Variants in SCN1A observed in about 807,000 individuals in gnomAD.
The protein encoded by SCN1A is sodium channel protein type 1 subunit alpha.
SCN1A carries 13 observed loss-of-function variants against 193.7 expected under a neutral mutation model. The ratio of observed to expected loss-of-function variants is 0.07; its 90% CI spans 0.04 to 0.11. SCN1A has a LOEUF of 0.11. SCN1A is among the 10% of genes least tolerant of loss of function. SCN1A has a pLI of 1.00. For synonymous variants in SCN1A, 781 were observed against 843.6 expected, an observed-to-expected ratio of 0.93 and a Z score of 1.29; for missense variants, 1,432 against 2,451.1, an observed-to-expected ratio of 0.58 and a Z score of 8.78.
intron 16 of SCN1A, among the ~76,000 whole-genome samples, chr2:166,040,108 C>CG (rs1301252988): frequency 1.3e-5 from 2 of 151,752 alleles, no homozygotes; most frequent in African/African-American, 4.8e-5. Flanking sequence ...TTAGTAGAGA[C>CG]GGGGTTTCAC....
intron 2 of SCN1A, among the ~76,000 whole-genome samples, chr2:166,107,182 A>G (rs1688787026): frequency 6.6e-6 from 1 of 152,218 alleles, no homozygotes; most frequent in African/African-American, 2.4e-5. Context: ...AAAAGCAAGT[A>G]ATCTTCGAAT....
chr2:166,121,371 G>T (rs532427791), intron 2 of SCN1A, among the ~76,000 whole-genome samples: 4 of 152,160 alleles, frequency 2.6e-5, no homozygotes, highest in East Asian at 3.9e-4. Context: ...GTTACTTATT[G>T]TAATACTTTA....
chr2:166,105,284 A>G (rs1280396422), intron 2 of SCN1A, among the ~76,000 whole-genome samples: 1 of 152,240 alleles, frequency 6.6e-6, no homozygotes, highest in Non-Finnish European at 1.5e-5. Context: ...TAAGTTTAAA[A>G]TGAGAGAATG....
At chr2:166,031,553 T>C (rs1266600400) in intron 19 of SCN1A, among the ~76,000 whole-genome samples, 1 of 151,940 alleles carries the variant, frequency 6.6e-6, no homozygotes, top group Non-Finnish European at 1.5e-5. Flanking sequence ...AAACAGAAAA[T>C]ATAAAATGTA....
chr2:166,148,042 C>T (rs1292641666), intron 1 of SCN1A, among the ~76,000 whole-genome samples: 1 of 152,162 alleles, frequency 6.6e-6, no homozygotes, highest in Non-Finnish European at 1.5e-5. Flanking sequence ...TCTTTGAGAT[C>T]ACGTAGACAG....
chr2:165,985,569 G>A (rs1688561705), downstream of SCN1A: 1 of 152,046 alleles, frequency 6.6e-6, no homozygotes, highest in South Asian at 2.1e-4. Flanking sequence ...GCAAATATGA[G>A]GAGTGTTCTA....
At chr2:166,045,462 G>T in intron 12 of SCN1A, 135 bp from the exon 13 acceptor site, 1 of 1,030,354 alleles carries the variant, frequency 9.7e-7, no homozygotes, top group Non-Finnish European at 1.4e-6. Context: ...AAGATTCTCT[G>T]CAAGTATAAG....
intron 4 of SCN1A, chr2:166,059,289 G>C (rs1422431875): frequency 6.6e-6 from 1 of 152,398 alleles, no homozygotes; most frequent in Non-Finnish European, 1.5e-5. Context: ...GATCCCTGGA[G>C]AGTACCCGTT....
chr2:166,102,951 G>A (rs1468137082), intron 2 of SCN1A, among the ~76,000 whole-genome samples: 1 of 152,022 alleles, frequency 6.6e-6, no homozygotes, highest in African/African-American at 2.4e-5. Context: ...AGTAATATTC[G>A]AGCTATTTTG....
In SCN1A at chr2:166,043,862, C is replaced by T. The variant is rs1697451634; in HGVS notation, c.1850G>A (p.Arg617Lys). 1.2e-6 allele frequency: 2 copies of T among 1,614,064 alleles called. No homozygotes were observed. Among genetic ancestry groups the T allele is most frequent in the Non-Finnish European group, 1.7e-6 (2 of 1,180,030 alleles). Reference protein sequence around the residue: ...SLFVPRRHGERRNSNLSQTSR... With the variant: ...SLFVPRRHGEKRNSNLSQTSR... Reference sequence around the variant, plus strand: ...GGTCTGACTCAGGTTGCTGTTGCGTCTCTCTCCGTGTCGTCGGGGCACAAA... The same window carrying T: ...GGTCTGACTCAGGTTGCTGTTGCGTTTCTCTCCGTGTCGTCGGGGCACAAA... Residue 617 changes from arginine (R) to lysine (K), a missense_variant, in exon 14 of 29, where the codon AGA becomes AAA. Arg to Lys is a conservative substitution (Grantham distance 26). Coordinates refer to ENST00000674923, the MANE Select transcript of SCN1A (RefSeq NM_001165963.4).
intron 25 of SCN1A, 60 bp from the exon 26 acceptor site, chr2:165,998,235 T>C: frequency 7.1e-7 from 1 of 1,410,502 alleles, no homozygotes; most frequent in East Asian, 2.3e-5. Context: ...GAAATGTCAC[T>C]GGTGCTTTTT....
chr2:166,121,692 A>C (rs1690614212), intron 2 of SCN1A, among the ~76,000 whole-genome samples: 1 of 152,230 alleles, frequency 6.6e-6, no homozygotes, highest in Admixed American at 6.5e-5. Context: ...AATAACCACA[A>C]CAGTTTCATC....
At chr2:166,046,998 T>G (rs765164311) in intron 11 of SCN1A, 22 bp from the exon 12 acceptor site, 2 of 1,610,910 alleles carry the variant, frequency 1.2e-6, no homozygotes, top group African/African-American at 1.3e-5. Flanking sequence ...AATATCAGAA[T>G]TATTTCTCAA....
At chr2:166,026,828 T>C (rs1218056670) in intron 19 of SCN1A, among the ~76,000 whole-genome samples, 6 of 151,716 alleles carry the variant, frequency 4.0e-5, no homozygotes, top group South Asian at 2.1e-4. Flanking sequence ...GGACTACAGG[T>C]GCCCACCACT....
At chr2:166,143,204 T>TC (rs1339032270) in intron 1 of SCN1A, among the ~76,000 whole-genome samples, 3 of 147,276 alleles carry the variant, frequency 2.0e-5, no homozygotes, top group Non-Finnish European at 4.5e-5. Context: ...TTTCGCTCTG[T>TC]CGCCCAGGCT....
intron 19 of SCN1A, among the ~76,000 whole-genome samples, chr2:166,033,639 A>G (rs1248568200): frequency 6.6e-6 from 1 of 152,202 alleles, no homozygotes; most frequent in African/African-American, 2.4e-5. Flanking sequence ...CAATTAATGC[A>G]ATGTTCCAAG....
rs1016936718 is a variant in SCN1A, at chr2:166,029,491, T to C, written c.3429+6557A>G. 2.0e-5 allele frequency among the ~76,000 whole-genome samples: 3 copies of C among 152,142 alleles called. No individual in the cohort carries two copies. The South Asian group carries it at 6.2e-4, about 32-fold the overall frequency. ...GATAGTACTCTTCGCAGAGAGTAGT[T>C]GCCATCTCTTAGAGACTATGTGCTT... On this transcript the variant is annotated intron_variant, in intron 19 of 28. Coordinates refer to ENST00000674923, the MANE Select transcript of SCN1A (RefSeq NM_001165963.4).
At chr2:166,078,795 G>T (rs527752844) in intron 2 of SCN1A, among the ~76,000 whole-genome samples, 1 of 151,564 alleles carries the variant, frequency 6.6e-6, no homozygotes, top group Non-Finnish European at 1.5e-5. Flanking sequence ...GAGACTTCAT[G>T]TGGAAAAATA....
intron 2 of SCN1A, among the ~76,000 whole-genome samples, chr2:166,081,358 C>T (rs1289921222): frequency 6.6e-6 from 1 of 151,862 alleles, no homozygotes; most frequent in East Asian, 1.9e-4. Flanking sequence ...TGCTTTGTAC[C>T]CGAAGAAACT....
Sources: allele counts gnomAD v4.1 joint callset (sites outside exome capture counted in the v4.1 genomes callset), GRCh38; gene constraint gnomAD v4.1.1; transcripts MANE v1.5; gene names NCBI Gene and HGNC (gene_info 2026-07-23, HGNC 2026-07-21).